The following KDM4C variants were observed in gnomAD, a reference collection of about 807,000 sequenced individuals.
The protein encoded by KDM4C is lysine-specific demethylase 4C.
In KDM4C, 81 loss-of-function variants were observed where a neutral mutation model predicts 129.3. That is an observed-to-expected ratio of 0.63 (90% CI 0.52 to 0.75). The LOEUF is 0.75. Among genes scored for constraint, KDM4C ranks in the 30% least tolerant of loss-of-function variants. The pLI is 0.00. For synonymous variants in KDM4C, 573 were observed against 456.1 expected, an observed-to-expected ratio of 1.26 and a Z score of -3.26; for missense variants, 1,457 against 1,304.0, an observed-to-expected ratio of 1.12 and a Z score of -1.81.
chr9:7,075,312 G>T (rs893890886), intron 17 of KDM4C, among the ~76,000 whole-genome samples: 2 of 152,082 alleles, frequency 1.3e-5, no homozygotes, highest in Admixed American at 1.3e-4. Flanking sequence ...ATCTTCTATG[G>T]TTTCATCACA....
intron 19 of KDM4C, among the ~76,000 whole-genome samples, chr9:7,149,921 G>A (rs1376698816): frequency 6.6e-6 from 1 of 152,212 alleles, no homozygotes. Flanking sequence ...TATTTAAGTA[G>A]TTTTTATATT....
At chr9:6,849,777 G>T (rs373959372) in intron 5 of KDM4C, 77 bp downstream of exon 5, 1 of 1,209,780 alleles carries the variant, frequency 8.3e-7, no homozygotes, top group Non-Finnish European at 1.2e-6. Context: ...AGAGGATTTT[G>T]TTCTTTGATT....
At chr9:7,089,881 G>A (rs1410953601) in intron 17 of KDM4C, among the ~76,000 whole-genome samples, 1 of 152,234 alleles carries the variant, frequency 6.6e-6, no homozygotes, top group Admixed American at 6.5e-5. Flanking sequence ...AGAGGTCAGA[G>A]TTCTCATGAG....
intron 1 of KDM4C, among the ~76,000 whole-genome samples, chr9:6,761,146 A>T (rs535984931): frequency 6.6e-5 from 10 of 151,768 alleles, no homozygotes; most frequent in African/African-American, 2.4e-4. Flanking sequence ...AGTAGCTGGG[A>T]TTACAGGCAC....
chr9:6,752,823 AT>A (rs1818117519), upstream of KDM4C, among the ~76,000 whole-genome samples: 1 of 152,216 alleles, frequency 6.6e-6, no homozygotes, highest in Admixed American at 6.6e-5. Context: ...CAGAGACTTT[AT>A]AAAAATAGCA....
rs529994949 is a variant in KDM4C, at chr9:6,900,776, G to A, written c.921+7544G>A. 1.6e-4 allele frequency among the ~76,000 whole-genome samples: 24 copies of A among 152,358 alleles called. 1 individual carries two copies. The East Asian group carries it at 4.6e-3, about 29-fold the overall frequency. ...ACTTTGCTCTTTGATTAAGGCGGTA[G>A]GGGTGAGAGCAAAGGTTTTCTACCT... is the stretch of plus-strand genomic sequence containing the variant. On this transcript the variant is annotated intron_variant, in intron 8 of 21. Coordinates refer to ENST00000381309, the MANE Select transcript of KDM4C (RefSeq NM_015061.6).
At chr9:6,961,303 T>C (rs923603261) in intron 8 of KDM4C, among the ~76,000 whole-genome samples, 1 of 152,220 alleles carries the variant, frequency 6.6e-6, no homozygotes, top group African/African-American at 2.4e-5. Flanking sequence ...TGTTACTAGA[T>C]GTGTGCAGCA....
At chr9:6,928,764 A>G (rs778193348) in intron 8 of KDM4C, among the ~76,000 whole-genome samples, 1 of 151,930 alleles carries the variant, frequency 6.6e-6, no homozygotes, top group South Asian at 2.1e-4. Flanking sequence ...CTTTTTAACT[A>G]CCTTGGAGGT....
intron 19 of KDM4C, among the ~76,000 whole-genome samples, chr9:7,156,447 G>A (rs535708880): frequency 1.4e-3 from 218 of 152,272 alleles, no homozygotes; most frequent in Non-Finnish European, 2.2e-3. Flanking sequence ...GTCCTGAATG[G>A]TATTGCCTAG....
intron 2 of KDM4C, among the ~76,000 whole-genome samples, chr9:6,803,873 G>C (rs1829475167): frequency 1.3e-5 from 2 of 152,076 alleles, no homozygotes; most frequent in Admixed American, 1.3e-4. Context: ...CCAGACTGGA[G>C]TGCAGTGGTG....
intron 5 of KDM4C, among the ~76,000 whole-genome samples, chr9:6,854,335 C>T (rs1334875302): frequency 6.6e-6 from 1 of 151,836 alleles, no homozygotes; most frequent in African/African-American, 2.4e-5. Flanking sequence ...TCGAGACCAG[C>T]CTCAACATGA....
chr9:6,852,608 G>T (rs1041698761), intron 5 of KDM4C, among the ~76,000 whole-genome samples: 2 of 152,202 alleles, frequency 1.3e-5, no homozygotes, highest in African/African-American at 4.8e-5. Context: ...CTCCCCTTCA[G>T]TATGGGATGG....
intron 1 of KDM4C, among the ~76,000 whole-genome samples, chr9:6,790,415 T>C (rs1826328027): frequency 1.3e-5 from 2 of 151,366 alleles, no homozygotes; most frequent in Non-Finnish European, 2.9e-5. Context: ...TGGCTAATTT[T>C]TTTTTTTTTG....
At chr9:7,014,890 T>C (rs1823366992) in intron 14 of KDM4C, among the ~76,000 whole-genome samples, 1 of 150,026 alleles carries the variant, frequency 6.7e-6, no homozygotes, top group Middle Eastern at 3.4e-3. Context: ...GTAGCCATCT[T>C]CTTTTTGTAT....
intron 5 of KDM4C, among the ~76,000 whole-genome samples, chr9:6,852,984 G>T (rs1839135281): frequency 6.6e-6 from 1 of 151,668 alleles, no homozygotes; most frequent in Non-Finnish European, 1.5e-5. Context: ...CCATCCTCCA[G>T]CTTGCCTGTG....
intron 17 of KDM4C, among the ~76,000 whole-genome samples, chr9:7,067,552 A>C (rs1301191572): frequency 6.6e-6 from 1 of 152,230 alleles, no homozygotes; most frequent in Admixed American, 6.5e-5. Context: ...GGTAAGGCTC[A>C]GTTGCACTGT....
At chr9:6,971,677 T>C (rs988414719) in intron 8 of KDM4C, among the ~76,000 whole-genome samples, 1 of 152,214 alleles carries the variant, frequency 6.6e-6, no homozygotes, top group Admixed American at 6.5e-5. Context: ...CAAAGAAAGC[T>C]CCTTAATATT....
chr9:6,860,920 G>C (rs1840813018), intron 5 of KDM4C, among the ~76,000 whole-genome samples: 2 of 152,022 alleles, frequency 1.3e-5, no homozygotes, highest in Non-Finnish European at 2.9e-5. Context: ...TTGTAAAAGT[G>C]TCAAAAATGA....
rs563282685 is a variant in KDM4C at position 6,848,667 on chromosome 9, A to AG, written c.436-836dup. 5.3e-3 allele frequency among the ~76,000 whole-genome samples: 807 copies of AG among 150,954 alleles called. 7 individuals carry two copies. The highest frequency in any genetic ancestry group is 0.019 in the African/African-American group (764 of 40,610). ...CTGGGCGACAGAGTGAGACTGTCTC[A>AG]GGGGAAAAAAAAAAAATGATTGTTA... On this transcript the variant is annotated intron_variant, in intron 4 of 21. Transcript: ENST00000381309.
Sources: gnomAD v4.1 joint callset for allele counts (sites outside exome capture counted in the v4.1 genomes callset) on GRCh38, gnomAD v4.1.1 for gene constraint, MANE v1.5 for transcripts, NCBI Gene and HGNC (gene_info 2026-07-23, HGNC 2026-07-21) for gene names.